PLA2G4A: variants seen among roughly 807,000 people sequenced by gnomAD.
The protein encoded by PLA2G4A is phospholipase A2 group IVA, also known as cytosolic phospholipase A2.
A neutral mutation model predicts 81.9 loss-of-function variants in PLA2G4A; 40 were observed. That is an observed-to-expected ratio of 0.49 (90% confidence interval 0.38 to 0.64). The LOEUF (loss-of-function observed/expected upper bound fraction) is 0.64. Ranked by LOEUF, PLA2G4A falls within the 30% of genes least tolerant of loss-of-function variation. The pLI, the probability that PLA2G4A is intolerant of heterozygous loss-of-function variation, is 0.00. For synonymous variants in PLA2G4A, 302 were observed against 296.9 expected, an observed-to-expected ratio of 1.02 and a Z score of -0.18; for missense variants, 715 against 905.1, an observed-to-expected ratio of 0.79 and a Z score of 2.69.
At chr1:186,889,404 C>T (rs1489953019) in intron 3 of PLA2G4A, among the ~76,000 whole-genome samples, 1 of 152,184 alleles carries the variant, frequency 6.6e-6, no homozygotes, top group Non-Finnish European at 1.5e-5. Flanking sequence ...TATGTTTTTA[C>T]AATAACCCTG....
At chr1:186,904,866 T>A (rs1384317140) in intron 5 of PLA2G4A, among the ~76,000 whole-genome samples, 33 of 152,302 alleles carry the variant, frequency 2.2e-4, no homozygotes, top group African/African-American at 7.5e-4. Flanking sequence ...TATATTTTTT[T>A]TTTTGAGACA....
intron 17 of PLA2G4A, among the ~76,000 whole-genome samples, chr1:186,980,620 G>A (rs1027868843): frequency 6.6e-6 from 1 of 152,112 alleles, no homozygotes; most frequent in Non-Finnish European, 1.5e-5. Flanking sequence ...GTGAATGAGT[G>A]TTCTGTTTAT....
chr1:186,956,817 AT>A (rs1224103534), intron 14 of PLA2G4A, among the ~76,000 whole-genome samples: 5 of 151,406 alleles, frequency 3.3e-5, no homozygotes, highest in African/African-American at 4.9e-5. Context: ...CCTGGCCTGG[AT>A]TTTTTTTTAA....
intron 8 of PLA2G4A, 85 bp from the exon 9 acceptor site, chr1:186,938,923 T>G (rs938631365): frequency 1.3e-6 from 1 of 781,894 alleles, no homozygotes; most frequent in Admixed American, 1.8e-5. Context: ...CCACCATGCT[T>G]TATTTACAGA....
Position 186,988,490 on chromosome 1 carries a change from A to G in PLA2G4A, c.2232A>G (p.Leu744=), listed in dbSNP as rs1439000439. 11 of 1,612,128 alleles carry G rather than the reference A, an allele frequency of 6.8e-6. No individual in the cohort carries two copies. Among genetic ancestry groups the G allele is most frequent in the Non-Finnish European group, 9.3e-6 (11 of 1,178,724 alleles). The part of the protein sequence containing the change: ...EARRFFNKEF[L]SKPKA ...GAAGATTTTTCAACAAGGAGTTTCT[A>G]AGTAAACCCAAAGCATAGTTCATGT... The change falls in exon 18 of 18, where the codon CTA becomes CTG. Residue 744 remains leucine (L), a synonymous_variant. Transcript: ENST00000367466.
chr1:186,945,065 T>C (rs1265255727), intron 10 of PLA2G4A, among the ~76,000 whole-genome samples: 1 of 151,644 alleles, frequency 6.6e-6, no homozygotes, highest in African/African-American at 2.4e-5. Flanking sequence ...AAAAATGAAG[T>C]GGGTTAGAGA....
In PLA2G4A at chr1:186,854,390, A is replaced by G; in HGVS notation, c.33+3A>G. 1 of 1,554,160 alleles carries G rather than the reference A, an allele frequency of 6.4e-7. No individual in the cohort carries two copies. Among genetic ancestry groups the G allele is most frequent in the Non-Finnish European group, 8.9e-7 (1 of 1,125,916 alleles). On this transcript the variant is annotated splice_donor_region_variant and intron_variant, in intron 2 of 17. Transcript: ENST00000367466. ...TAGATCCTTACCAGCACATTATAGTAAGTCATTCACTGTTTATGAATTCTT... is the reference window on the plus strand; with the variant it reads ...TAGATCCTTACCAGCACATTATAGTGAGTCATTCACTGTTTATGAATTCTT...
At chr1:186,887,533 TG>T (rs1653978166) in intron 3 of PLA2G4A, among the ~76,000 whole-genome samples, 3 of 152,116 alleles carry the variant, frequency 2.0e-5, no homozygotes, top group Admixed American at 2.0e-4. Context: ...ATTTTTTGTT[TG>T]TCAAGATTTA....
chr1:186,960,258 T>C (rs866099339), intron 14 of PLA2G4A, among the ~76,000 whole-genome samples: 1 of 152,124 alleles, frequency 6.6e-6, no homozygotes, highest in East Asian at 1.9e-4. Flanking sequence ...AAATAAGAAA[T>C]AAAGACATGA....
chr1:186,930,139 T>C (rs1420804012), intron 7 of PLA2G4A, among the ~76,000 whole-genome samples: 1 of 152,192 alleles, frequency 6.6e-6, no homozygotes, highest in Non-Finnish European at 1.5e-5. Flanking sequence ...TAGTATGTAC[T>C]GACAGGTTAT....
chr1:186,858,079 G>A (rs1652655993), intron 2 of PLA2G4A, among the ~76,000 whole-genome samples: 1 of 152,100 alleles, frequency 6.6e-6, no homozygotes, highest in Non-Finnish European at 1.5e-5. Flanking sequence ...ATGTGCATGT[G>A]TCTTTATAGT....
chr1:186,934,809 C>A (rs1233334081), intron 8 of PLA2G4A, among the ~76,000 whole-genome samples: 1 of 151,790 alleles, frequency 6.6e-6, no homozygotes, highest in African/African-American at 2.4e-5. Flanking sequence ...CCTATCATGC[C>A]TTTTCAGTTT....
chr1:186,832,901 A>G (rs978029325), intron 1 of PLA2G4A, among the ~76,000 whole-genome samples: 2 of 152,194 alleles, frequency 1.3e-5, no homozygotes, highest in African/African-American at 4.8e-5. Flanking sequence ...GGTTATTTTT[A>G]GTGTTTCCTG....
At chr1:186,854,826 C>A (rs763419) in intron 2 of PLA2G4A, among the ~76,000 whole-genome samples, 1 of 151,590 alleles carries the variant, frequency 6.6e-6, no homozygotes, top group Non-Finnish European at 1.5e-5. Context: ...TAAATAAATT[C>A]TTCTATGGGT....
rs868208333 is a variant in PLA2G4A, at chr1:186,884,257, T to C, written c.116-8754T>C. On this transcript the variant is annotated intron_variant, in intron 3 of 17. Transcript: ENST00000367466. The stretch of plus-strand genomic sequence containing the variant: ...GAAGGACTACATCTAATCCTCCCCC[T>C]TTTTTTTTTTTTTTTAGTGAAGTGT... Among the ~76,000 whole-genome samples, 493 of 134,012 alleles carry C rather than the reference T, an allele frequency of 3.7e-3. 1 individual carries two copies. The highest frequency in any genetic ancestry group is 7.6e-3 in the Middle Eastern group (2 of 262). The allele number at this position is 134,012 out of a possible 152,430, so 87.9% of individuals were successfully genotyped here.
At chr1:186,983,767 T>A (rs1004617480) in intron 17 of PLA2G4A, among the ~76,000 whole-genome samples, 1 of 108,248 alleles carries the variant, frequency 9.2e-6, no homozygotes, top group Non-Finnish European at 2.0e-5. Context: ...GGGGCGGGGG[T>A]GGGATGCAGA....
At chr1:186,931,037 A>C (rs977081799) in intron 7 of PLA2G4A, among the ~76,000 whole-genome samples, 5 of 152,080 alleles carry the variant, frequency 3.3e-5, no homozygotes, top group Non-Finnish European at 2.9e-5. Flanking sequence ...CTTCCTTACA[A>C]CTACTGCTGC....
At chr1:186,840,215 C>T (rs927353951) in intron 1 of PLA2G4A, among the ~76,000 whole-genome samples, 2 of 151,808 alleles carry the variant, frequency 1.3e-5, no homozygotes, top group African/African-American at 2.4e-5. Context: ...ATAAAGGGGT[C>T]CCTAGCCTTC....
At chr1:186,832,837 A>C (rs1651643377) in intron 1 of PLA2G4A, among the ~76,000 whole-genome samples, 1 of 152,168 alleles carries the variant, frequency 6.6e-6, no homozygotes, top group African/African-American at 2.4e-5. Flanking sequence ...ATATAGATGA[A>C]ATTTTGAACT....
Sources: allele counts gnomAD v4.1 joint callset (sites outside exome capture counted in the v4.1 genomes callset), GRCh38; gene constraint gnomAD v4.1.1; transcripts MANE v1.5; gene names NCBI Gene and HGNC (gene_info 2026-07-23, HGNC 2026-07-21).